Variants in KHDRBS1 observed in about 807,000 individuals in gnomAD.
KHDRBS1 encodes the protein KH domain-containing, RNA-binding, signal transduction-associated protein 1.
In KHDRBS1, 7 loss-of-function variants were observed where a neutral mutation model predicts 48.4. That is an observed-to-expected ratio of 0.14 (90% CI 0.08 to 0.27). The LOEUF is 0.27. KHDRBS1 is among the 10% of genes least tolerant of loss of function. KHDRBS1 has a pLI of 1.00. For synonymous variants in KHDRBS1, 241 were observed against 235.8 expected (o/e 1.02, Z -0.20); for missense variants, 458 against 601.2 (o/e 0.76, Z 2.49).
chr1:32,036,390 C>T (rs1023942915), intron 4 of KHDRBS1, among the ~76,000 whole-genome samples: 7 of 151,850 alleles, frequency 4.6e-5, no homozygotes, highest in Admixed American at 2.0e-4. Flanking sequence ...AGGGTGGTCT[C>T]GATCTCCTGA....
At chr1:32,059,177 A>C (rs527879578) in intron 10 of KHDRBS1, among the ~76,000 whole-genome samples, 5 of 151,410 alleles carry the variant, frequency 3.3e-5, no homozygotes, top group African/African-American at 9.7e-5. Flanking sequence ...AAAAAAAAAA[A>C]AAAAAAACAA....
rs777403559 is a variant in KHDRBS1 at position 32,039,562 on chromosome 1, A to G, written c.1223A>G (p.Tyr408Cys). The change falls in exon 8 of 9, where the codon TAT becomes TGT. Residue 408 changes from tyrosine to cysteine, a missense_variant. Physicochemically the swap from Tyr to Cys is radical, Grantham distance 194. Coordinates refer to ENST00000327300, the MANE Select transcript of KHDRBS1 (RefSeq NM_006559.3). ...DYGHGEVQDS[Y>C]EAYGQDDWNG... The stretch of plus-strand genomic sequence containing the variant: ...GGACATGGGGAGGTTCAAGATTCTT[A>G]TGAAGCTTATGGTATGTCTTTATCT... The G allele has an allele frequency of 1.3e-6, 2 of 1,505,598 alleles. No homozygotes were observed. Among genetic ancestry groups the G allele is most frequent in the East Asian group, 2.3e-5 (1 of 44,336 alleles). 93.3% of individuals were successfully genotyped at this position (1,505,598 alleles called of 1,614,324 possible).
intron 10 of KHDRBS1, among the ~76,000 whole-genome samples, chr1:32,057,491 T>C (rs1639492429): frequency 6.6e-6 from 1 of 151,578 alleles, no homozygotes; most frequent in African/African-American, 2.4e-5. Context: ...TTTTCTTTTT[T>C]TTTTTTTTTT....
downstream of KHDRBS1, among the ~76,000 whole-genome samples, chr1:32,047,005 T>C (rs543886085): frequency 6.6e-6 from 1 of 152,288 alleles, no homozygotes; most frequent in Non-Finnish European, 1.5e-5. Context: ...ATTAGAAGTT[T>C]GGGGAAACCT....
chr1:32,039,774 G>A (rs1167285897), intron 8 of KHDRBS1, among the ~76,000 whole-genome samples: 1 of 152,186 alleles, frequency 6.6e-6, no homozygotes, highest in Non-Finnish European at 1.5e-5. Context: ...GCTAAAGTGA[G>A]GTGGGGTATC....
At chr1:32,058,804 A>G (rs1270550517) in intron 10 of KHDRBS1, among the ~76,000 whole-genome samples, 1 of 152,132 alleles carries the variant, frequency 6.6e-6, no homozygotes, top group Non-Finnish European at 1.5e-5. Context: ...CTGTCTCAAC[A>G]ACAACAAAAA....
intron 10 of KHDRBS1, among the ~76,000 whole-genome samples, chr1:32,059,029 T>C (rs1368872377): frequency 6.6e-6 from 1 of 151,748 alleles, no homozygotes; most frequent in Non-Finnish European, 1.5e-5. Context: ...TGGTGGTGCG[T>C]GCCTGTAATC....
intron 1 of KHDRBS1, among the ~76,000 whole-genome samples, chr1:32,022,070 C>T (rs539642310): frequency 1.1e-4 from 16 of 151,852 alleles, no homozygotes; most frequent in East Asian, 5.8e-4. Flanking sequence ...CGGGTTCAAG[C>T]GATTCTCCTC....
chr1:32,057,822 A>G (rs1389255106), intron 10 of KHDRBS1, among the ~76,000 whole-genome samples: 1 of 147,854 alleles, frequency 6.8e-6, no homozygotes, highest in Non-Finnish European at 1.5e-5. Flanking sequence ...AGAGAGAGAG[A>G]TGGGGTCTCA....
At chr1:32,034,728 A>G (rs1240682483) in intron 4 of KHDRBS1, among the ~76,000 whole-genome samples, 1 of 152,132 alleles carries the variant, frequency 6.6e-6, no homozygotes, top group African/African-American at 2.4e-5. Flanking sequence ...CTGTAATCCC[A>G]GCATTTTGGA....
At chr1:32,050,909 G>T (rs76084294) in intron 10 of KHDRBS1, among the ~76,000 whole-genome samples, 60 of 150,196 alleles carry the variant, frequency 4.0e-4, no homozygotes, top group Non-Finnish European at 8.0e-4. Context: ...ATTTTTTTTT[G>T]AGACAGAGTC....
chr1:32,020,059 T>C (rs1638827074), intron 1 of KHDRBS1, among the ~76,000 whole-genome samples: 1 of 151,826 alleles, frequency 6.6e-6, no homozygotes. Context: ...TGAGCCACCA[T>C]GCCCAGCCCA....
At chr1:32,049,034 T>G (rs1383417442) in intron 10 of KHDRBS1, among the ~76,000 whole-genome samples, 1 of 151,364 alleles carries the variant, frequency 6.6e-6, no homozygotes, top group Admixed American at 6.6e-5. Flanking sequence ...TGTGACTGGC[T>G]TCCTTTTTGT....
At chr1:32,060,825 A>C (rs1236926510) in exon 11 of KHDRBS1, 1 of 152,078 alleles carries the variant, frequency 6.6e-6, no homozygotes, top group Non-Finnish European at 1.5e-5. Context: ...GCCCCTGAGG[A>C]CCTCAATAAA....
chr1:32,045,702 CTT>C (rs928090789), downstream of KHDRBS1, among the ~76,000 whole-genome samples: 17 of 152,238 alleles, frequency 1.1e-4, no homozygotes, highest in East Asian at 1.9e-3. Flanking sequence ...ATGAAAAAGA[CTT>C]TATTAGAAAG....
chr1:32,014,043 C>T lies in KHDRBS1; in HGVS notation c.48C>T (p.Gly16=). 3.3e-6 allele frequency: 5 copies of T among 1,521,558 alleles called. No individual in the cohort carries two copies. Among genetic ancestry groups the T allele is most frequent in the Non-Finnish European group, 4.4e-6 (5 of 1,145,662 alleles). 94.3% of individuals were successfully genotyped at this position (1,521,558 alleles called of 1,614,324 possible). The change falls in exon 1 of 9, where the codon GGC becomes GGT. Residue 16 remains glycine (G), a synonymous_variant. Transcript: ENST00000327300. The part of the protein sequence containing the change: ...DPAARMSRSS[G]RSGSMDPSGA... ...CCGCGCGCATGAGCCGGTCTTCGGG[C>T]CGTAGCGGCTCCATGGACCCCTCCG...
chr1:32,014,297 A>G lies in KHDRBS1; in HGVS notation c.302A>G (p.Asn101Ser). The G allele has an allele frequency of 6.4e-7, 1 of 1,562,128 alleles. No individual in the cohort carries two copies. Among genetic ancestry groups the G allele is most frequent in the Non-Finnish European group, 8.7e-7 (1 of 1,154,684 alleles). ...ATASVKMEPE[N>S]KYLPELMAEK... ...GCCTCGGTCAAGATGGAGCCAGAGA[A>G]CAAGTACCTGCCCGAACTCATGGCC... The change falls in exon 1 of 9, where the codon AAC (asparagine) becomes AGC (serine). Residue 101 changes from asparagine to serine, a missense_variant. Transcript: ENST00000327300.
chr1:32,014,213 G>C lies in KHDRBS1; in HGVS notation c.218G>C (p.Gly73Ala), dbSNP rs1196067556. The change falls in exon 1 of 9, where the codon GGT (glycine) becomes GCT (alanine). Residue 73 changes from glycine (G) to alanine (A), a missense_variant. Gly to Ala is a moderately conservative substitution (Grantham distance 60). Around this residue, in one of 3 missense-constraint regions of KHDRBS1, gnomAD observed 213 missense variants for 215.6 expected, o/e 0.99. Transcript: ENST00000327300. ...CCGCTGCTGCCGCCCTCGGCCACGG[G>C]TCCCGACGCGACAGTGGGCGGGCCA... ...PPPLLPPSATGPDATVGGPAP... is the reference protein window; with the variant it reads ...PPPLLPPSATAPDATVGGPAP... 6.9e-7 allele frequency: 1 copy of C among 1,459,758 alleles called. No individual in the cohort carries two copies. The highest frequency in any genetic ancestry group is 1.5e-5 in the African/African-American group (1 of 68,390). The allele number at this position is 1,459,758 out of a possible 1,614,324, so 90.4% of individuals were successfully genotyped here.
chr1:32,039,225 G>A (rs1360156206), intron 7 of KHDRBS1, among the ~76,000 whole-genome samples: 1 of 152,080 alleles, frequency 6.6e-6, no homozygotes, highest in African/African-American at 2.4e-5. Context: ...CTTCTGGTGA[G>A]CCCTATGAAT....
Sources: gnomAD v4.1 joint callset for allele counts (sites outside exome capture counted in the v4.1 genomes callset) on GRCh38, gnomAD v4.1.1 for gene constraint, gnomAD v4.1.1 regional missense constraint, MANE v1.5 for transcripts, NCBI Gene and HGNC (gene_info 2026-07-23, HGNC 2026-07-21) for gene names.